Variants in STK24 observed in about 807,000 individuals in gnomAD.
STK24 encodes serine/threonine-protein kinase 24.
Under a neutral mutation model 55.6 loss-of-function variants are expected in STK24, and 21 were observed. The ratio of observed to expected loss-of-function variants is 0.38; its 90% CI spans 0.27 to 0.54. The LOEUF (loss-of-function observed/expected upper bound fraction) is 0.54. STK24 is among the 20% of genes least tolerant of loss of function. The pLI, the probability that STK24 is intolerant of heterozygous loss-of-function variation, is 0.79. For synonymous variants in STK24, 200 were observed against 215.2 expected (o/e 0.93, Z 0.62); for missense variants, 383 against 538.4 (o/e 0.71, Z 2.86).
At chr13:98,531,509 C>T (rs1896578938) in intron 1 of STK24, among the ~76,000 whole-genome samples, 1 of 152,292 alleles carries the variant, frequency 6.6e-6, no homozygotes, top group African/African-American at 2.4e-5. Context: ...CAGCATCACA[C>T]CTTAGGGACT....
At chr13:98,516,385 C>T (rs76844440) in intron 2 of STK24, among the ~76,000 whole-genome samples, 5,166 of 152,304 alleles carry the variant, frequency 0.034, 275 homozygotes, top group African/African-American at 0.12. Flanking sequence ...TTTCAACCTG[C>T]CTGGAGGCCA....
chr13:98,514,290 T>A (rs1895982709), intron 2 of STK24, among the ~76,000 whole-genome samples: 1 of 152,360 alleles, frequency 6.6e-6, no homozygotes, highest in East Asian at 1.9e-4. Context: ...CAGTATTTTT[T>A]ACTCTTTTCC....
intron 1 of STK24, among the ~76,000 whole-genome samples, chr13:98,546,252 C>T (rs556001389): frequency 5.1e-4 from 77 of 152,188 alleles, no homozygotes; most frequent in Non-Finnish European, 9.8e-4. Context: ...AGCATGGCAC[C>T]TTATCCCAAA....
intron 8 of STK24, 56 bp from the exon 9 acceptor site, chr13:98,460,496 T>C (rs931823835): frequency 1.4e-6 from 2 of 1,471,246 alleles, no homozygotes; most frequent in African/African-American, 2.8e-5. Context: ...ACATTGGCAA[T>C]AATTTAATAA....
chr13:98,508,593 G>T (rs1895775639), intron 2 of STK24, among the ~76,000 whole-genome samples: 1 of 152,106 alleles, frequency 6.6e-6, no homozygotes, highest in African/African-American at 2.4e-5. Flanking sequence ...TATTGCTATT[G>T]TCCGGGAAAG....
In STK24 at chr13:98,446,502, C is replaced by A; in HGVS notation, c.*6671G>T. ...GTCCTGGCGGGACTTGCCACCCGGG[C>A]CATCACGTACAGGCAAACACTGGCT... On this transcript the variant is annotated 3_prime_UTR_variant, in exon 11 of 11. Transcript: ENST00000539966. The A allele has an allele frequency of 1.4e-6, 1 of 692,732 alleles. No homozygotes were observed. The highest frequency in any genetic ancestry group is 2.4e-6 in the Non-Finnish European group (1 of 410,922). 42.9% of individuals were successfully genotyped at this position (692,732 alleles called of 1,614,324 possible). A position where few individuals can be genotyped will look rare whatever the true frequency, so the allele number is the denominator to read the frequency against.
At chr13:98,545,369 G>A (rs1364550585) in intron 1 of STK24, among the ~76,000 whole-genome samples, 2 of 152,012 alleles carry the variant, frequency 1.3e-5, no homozygotes, top group South Asian at 2.1e-4. Flanking sequence ...AGACTAGGCC[G>A]GGCGCAGTGG....
chr13:98,479,309 C>A (rs527249517), intron 3 of STK24, among the ~76,000 whole-genome samples: 2 of 152,144 alleles, frequency 1.3e-5, no homozygotes, highest in Non-Finnish European at 2.9e-5. Context: ...TTTAAATCAA[C>A]GGACTGAGCA....
rs762392736 is a variant in STK24 at position 98,474,967 on chromosome 13, G to T, written c.451C>A (p.Leu151Met). The T allele has an allele frequency of 6.2e-7, 1 of 1,611,908 alleles. No homozygotes were observed. The highest frequency in any genetic ancestry group is 1.3e-5 in the African/African-American group (1 of 74,842). Residue 151 changes from leucine to methionine, a missense_variant, in exon 5 of 11, where the codon CTG becomes ATG. Coordinates refer to ENST00000539966, the MANE Select transcript of STK24 (RefSeq NM_001032296.4). ...TTCACCTCGCCATGCTCAGACAGCA[G>T]GACGTTGGCCGCTGCAAAAGAAAGC... is the stretch of plus-strand genomic sequence containing the variant. ...IHRDIKAANV[L>M]LSEHGEVKLA...
intron 2 of STK24, among the ~76,000 whole-genome samples, chr13:98,496,985 C>T (rs1378985269): frequency 6.6e-6 from 1 of 152,232 alleles, no homozygotes. Context: ...CAAGTTTTAA[C>T]ATGCTGAGAT....
At position 98,446,815 on chromosome 13, in the gene STK24, A is replaced by G; in HGVS notation, c.*6358T>C. 6.2e-7 allele frequency: 1 copy of G among 1,613,976 alleles called. No individual in the cohort carries two copies. Among genetic ancestry groups the G allele is most frequent in the Non-Finnish European group, 8.5e-7 (1 of 1,179,960 alleles). ...GGGCGGAAAGCGAGTACACGTTCGA[A>G]AGGTAGACACCCCCTTCCCACGCAC... On this transcript the variant is annotated 3_prime_UTR_variant, in exon 11 of 11. Transcript: ENST00000539966.
chr13:98,542,407 C>T (rs139543982), intron 1 of STK24, among the ~76,000 whole-genome samples: 50 of 151,808 alleles, frequency 3.3e-4, no homozygotes, highest in African/African-American at 1.1e-3. Flanking sequence ...ACAAAAAAAA[C>T]GGCCAATTGG....
At chr13:98,536,326 A>C (rs902853093) in intron 1 of STK24, among the ~76,000 whole-genome samples, 2 of 151,904 alleles carry the variant, frequency 1.3e-5, no homozygotes, top group Non-Finnish European at 2.9e-5. Flanking sequence ...GGCTTTGGGG[A>C]CTAAATTGTC....
intron 1 of STK24, among the ~76,000 whole-genome samples, chr13:98,532,726 T>C (rs908528531): frequency 2.0e-5 from 3 of 152,280 alleles, no homozygotes; most frequent in African/African-American, 7.2e-5. Context: ...GTGTTATTTC[T>C]AGCCTACTGA....
intron 1 of STK24, among the ~76,000 whole-genome samples, chr13:98,563,417 G>C (rs1286199707): frequency 2.0e-5 from 3 of 152,168 alleles, no homozygotes; most frequent in African/African-American, 7.2e-5. Context: ...CATTCTGAAT[G>C]ACACAAGTTG....
intron 5 of STK24, among the ~76,000 whole-genome samples, chr13:98,470,983 G>A (rs1176533425): frequency 1.3e-5 from 2 of 152,200 alleles, no homozygotes; most frequent in East Asian, 3.8e-4. Flanking sequence ...ATCTAGAGGC[G>A]TATGTGATGT....
intron 1 of STK24, among the ~76,000 whole-genome samples, chr13:98,525,430 T>C (rs1424978035): frequency 2.0e-5 from 3 of 152,120 alleles, no homozygotes; most frequent in African/African-American, 4.8e-5. Context: ...TCAGGACACA[T>C]GGACAACCCC....
At chr13:98,546,117 T>G (rs1029629031) in intron 1 of STK24, among the ~76,000 whole-genome samples, 18 of 152,186 alleles carry the variant, frequency 1.2e-4, no homozygotes, top group African/African-American at 4.3e-4. Flanking sequence ...TAAAAGACAA[T>G]GCACAGATGA....
At chr13:98,475,032 A>G in intron 4 of STK24, 54 bp from the exon 5 acceptor site, 8 of 1,551,930 alleles carry the variant, frequency 5.2e-6, no homozygotes, top group Middle Eastern at 1.7e-4. Context: ...AACTCCGTGC[A>G]CTGCCACAAG....
Sources: allele counts gnomAD v4.1 joint callset (sites outside exome capture counted in the v4.1 genomes callset), GRCh38; gene constraint gnomAD v4.1.1; transcripts MANE v1.5; gene names NCBI Gene and HGNC (gene_info 2026-07-23, HGNC 2026-07-21).